EPB41L3: variants seen among roughly 807,000 people sequenced by gnomAD.
EPB41L3 encodes band 4.1-like protein 3.
In EPB41L3, 57 loss-of-function variants were observed where a neutral mutation model predicts 127.1. That is an observed-to-expected ratio of 0.45 (90% CI 0.36 to 0.56). The LOEUF (loss-of-function observed/expected upper bound fraction) is 0.56, where lower values mean the gene tolerates loss of function less well. Among genes scored for constraint, EPB41L3 ranks in the 20% least tolerant of loss-of-function variants. The pLI is 0.00. For missense variants in EPB41L3, 1,273 were observed against 1,372.2 expected (o/e 0.93, Z 1.14); for synonymous variants, 572 against 549.5 (o/e 1.04, Z -0.57).
At chr18:5,411,996 G>A (rs965343630) in intron 13 of EPB41L3, among the ~76,000 whole-genome samples, 14 of 152,212 alleles carry the variant, frequency 9.2e-5, no homozygotes, top group South Asian at 4.1e-4. Context: ...TGACCTGACC[G>A]GCTTGGTTAA....
rs932465624 is a variant in EPB41L3, at chr18:5,443,748, A to G, written c.529+90T>C. On this transcript the variant is annotated intron_variant, in intron 5 of 22. Transcript: ENST00000341928. ...TGAGATAAGAAAAGCTTGTATTCAC[A>G]CTAGCCACTTAGGTATGGGCTACCA... The G allele has an allele frequency of 1.1e-5, 11 of 971,646 alleles. No homozygotes were observed. In the African/African-American group the frequency reaches 1.8e-4, roughly 16 times the overall value. The allele number at this position is 971,646 out of a possible 1,614,324, so 60.2% of individuals were successfully genotyped here. A position where few individuals can be genotyped will look rare whatever the true frequency, so the allele number is the denominator to read the frequency against.
At chr18:5,462,634 G>A (rs1399893935) in intron 3 of EPB41L3, among the ~76,000 whole-genome samples, 7 of 152,262 alleles carry the variant, frequency 4.6e-5, no homozygotes, top group South Asian at 2.1e-4. Flanking sequence ...GGAAGAACCC[G>A]AGGGTGGGGG....
chr18:5,571,009 A>G (rs2094273051), intron 3 of EPB41L3: 1 of 152,232 alleles, frequency 6.6e-6, no homozygotes, highest in Non-Finnish European at 1.5e-5. Context: ...CTTTCTGAAT[A>G]TAAGTCCACT....
chr18:5,551,693 C>G (rs2093967279), intron 3 of EPB41L3, among the ~76,000 whole-genome samples: 2 of 152,248 alleles, frequency 1.3e-5, no homozygotes, highest in Admixed American at 6.5e-5. Context: ...GTACTCCAGC[C>G]TGGGCAACAG....
At chr18:5,427,906 C>T (rs1406659585) in intron 9 of EPB41L3, among the ~76,000 whole-genome samples, 1 of 151,994 alleles carries the variant, frequency 6.6e-6, no homozygotes, top group African/African-American at 2.4e-5. Flanking sequence ...CCACTACGCC[C>T]GGCTAATTTT....
intron 1 of EPB41L3, among the ~76,000 whole-genome samples, chr18:5,626,365 C>T (rs2094923602): frequency 6.6e-6 from 1 of 152,210 alleles, no homozygotes; most frequent in Admixed American, 6.5e-5. Flanking sequence ...TTGAGTATTA[C>T]ATTCCAGTTT....
intron 3 of EPB41L3, among the ~76,000 whole-genome samples, chr18:5,452,896 G>A (rs532775103): frequency 1.3e-5 from 2 of 152,220 alleles, no homozygotes; most frequent in South Asian, 2.1e-4. Context: ...ACCCTTAGTA[G>A]GTTAATAAAT....
intron 5 of EPB41L3, among the ~76,000 whole-genome samples, chr18:5,442,839 C>T: frequency 6.6e-6 from 1 of 152,154 alleles, no homozygotes; most frequent in East Asian, 1.9e-4. Flanking sequence ...GGAGTAATTA[C>T]TATTAAAACC....
intron 13 of EPB41L3, among the ~76,000 whole-genome samples, chr18:5,412,046 G>T (rs2144454709): frequency 6.6e-6 from 1 of 152,266 alleles, no homozygotes; most frequent in East Asian, 1.9e-4. Context: ...TTCATATAAA[G>T]GTGATTGTTG....
At chr18:5,550,033 A>G (rs1302973782) in intron 3 of EPB41L3, among the ~76,000 whole-genome samples, 1 of 152,196 alleles carries the variant, frequency 6.6e-6, no homozygotes, top group East Asian at 1.9e-4. Flanking sequence ...CCTGTTCCCA[A>G]TTCCAGCAAT....
intron 13 of EPB41L3, 90 bp downstream of exon 13, chr18:5,415,728 T>C (rs372760563): frequency 7.6e-7 from 1 of 1,321,554 alleles, no homozygotes; most frequent in Admixed American, 2.1e-5. Flanking sequence ...GCTCTGAAAG[T>C]AGGACCACTA....
intron 3 of EPB41L3, chr18:5,610,103 A>G (rs1390250002): frequency 5.1e-6 from 5 of 985,280 alleles, no homozygotes; most frequent in Non-Finnish European, 6.0e-6. Flanking sequence ...TTCCCCAAAC[A>G]AAGAGAAGTC....
chr18:5,577,520 C>A (rs2094348320), intron 3 of EPB41L3: 1 of 315,782 alleles, frequency 3.2e-6, no homozygotes, highest in Non-Finnish European at 6.2e-6. Flanking sequence ...CAGATTCTCT[C>A]CTTAAATTCA....
intron 4 of EPB41L3, among the ~76,000 whole-genome samples, chr18:5,444,344 G>A (rs552583997): frequency 5.9e-5 from 9 of 152,150 alleles, no homozygotes; most frequent in Non-Finnish European, 1.2e-4. Context: ...TGTGATTTCC[G>A]ATTTTCCTCA....
intron 3 of EPB41L3, among the ~76,000 whole-genome samples, chr18:5,449,922 GATAGA>G (rs371532556): frequency 2.4e-4 from 37 of 152,274 alleles, no homozygotes; most frequent in African/African-American, 8.9e-4. Context: ...GTGATAGTAA[GATAGA>G]ATAATTACAA....
intron 2 of EPB41L3, chr18:5,488,792 T>C: frequency 2.0e-6 from 1 of 505,520 alleles, no homozygotes; most frequent in Non-Finnish European, 3.3e-6. Flanking sequence ...TTTCAGTGTT[T>C]TAATTAAAAG....
At chr18:5,458,920 T>C (rs1192043095) in intron 3 of EPB41L3, among the ~76,000 whole-genome samples, 2 of 152,178 alleles carry the variant, frequency 1.3e-5, no homozygotes, top group Non-Finnish European at 2.9e-5. Context: ...GGGTTAAAAT[T>C]ATTGAAGTCA....
At chr18:5,423,662 A>G (rs2077761132) in intron 10 of EPB41L3, 109 bp from the exon 11 acceptor site, 1 of 965,138 alleles carries the variant, frequency 1.0e-6, no homozygotes, top group Non-Finnish European at 1.5e-6. Flanking sequence ...TAAACATTTA[A>G]CGCACAACTT....
At chr18:5,445,386 T>G in intron 3 of EPB41L3, 142 bp from the exon 4 acceptor site, 1 of 677,444 alleles carries the variant, frequency 1.5e-6, no homozygotes, top group Non-Finnish European at 2.4e-6. Context: ...CATTGCCATC[T>G]CCTGTTTAAG....
Sources: allele counts gnomAD v4.1 joint callset (sites outside exome capture counted in the v4.1 genomes callset), GRCh38; gene constraint gnomAD v4.1.1; transcripts MANE v1.5; gene names NCBI Gene and HGNC (gene_info 2026-07-23, HGNC 2026-07-21).